Variants in ERBB4 observed in about 807,000 individuals in gnomAD.
The protein encoded by ERBB4 is erb-b2 receptor tyrosine kinase 4.
A neutral mutation model predicts 158.0 loss-of-function variants in ERBB4; 42 were observed. That is an observed-to-expected ratio of 0.27 (90% CI 0.21 to 0.34). ERBB4 has a LOEUF of 0.34. Ranked by LOEUF, ERBB4 falls within the 10% of genes least tolerant of loss-of-function variation. The pLI is 1.00. For missense variants in ERBB4, 1,333 were observed against 1,624.1 expected (o/e 0.82, Z 3.08); for synonymous variants, 583 against 558.7 (o/e 1.04, Z -0.61).
At chr2:211,611,282 G>C (rs924630912) in intron 19 of ERBB4, among the ~76,000 whole-genome samples, 1 of 151,978 alleles carries the variant, frequency 6.6e-6, no homozygotes, top group Admixed American at 6.6e-5. Context: ...CAACCCACAA[G>C]CAGATAGAAA....
chr2:211,705,019 T>C (rs980141230), intron 10 of ERBB4, among the ~76,000 whole-genome samples: 12 of 152,282 alleles, frequency 7.9e-5, no homozygotes, highest in African/African-American at 2.2e-4. Flanking sequence ...TGCAGCAGCG[T>C]GATCTTGGCT....
At chr2:212,117,317 C>T (rs894507793) in intron 2 of ERBB4, among the ~76,000 whole-genome samples, 4 of 152,054 alleles carry the variant, frequency 2.6e-5, no homozygotes, top group Non-Finnish European at 4.4e-5. Flanking sequence ...GTTCCATCAC[C>T]ATCTCTTTTT....
chr2:212,292,086 A>T (rs980137060), intron 1 of ERBB4, among the ~76,000 whole-genome samples: 2,041 of 152,080 alleles, frequency 0.013, 48 homozygotes, highest in African/African-American at 0.046. Context: ...TGCTTTTTTT[A>T]AATTTTTTTC....
chr2:211,705,909 A>G (rs2073421675), intron 9 of ERBB4, among the ~76,000 whole-genome samples: 2 of 152,244 alleles, frequency 1.3e-5, no homozygotes, highest in South Asian at 4.1e-4. Context: ...AATTTTCATA[A>G]TATTTATAAC....
intron 20 of ERBB4, among the ~76,000 whole-genome samples, chr2:211,559,272 A>C (rs1372961157): frequency 6.6e-6 from 1 of 152,124 alleles, no homozygotes; most frequent in East Asian, 1.9e-4. Context: ...TTTCATTCTT[A>C]TATCGCCTCA....
At chr2:212,436,287 T>C (rs1364528290) in intron 1 of ERBB4, among the ~76,000 whole-genome samples, 4 of 152,122 alleles carry the variant, frequency 2.6e-5, no homozygotes, top group Non-Finnish European at 5.9e-5. Flanking sequence ...ATATCCGCTA[T>C]AGATCACATA....
At chr2:211,746,248 A>G (rs2074968869) in intron 5 of ERBB4, among the ~76,000 whole-genome samples, 1 of 152,114 alleles carries the variant, frequency 6.6e-6, no homozygotes, top group Non-Finnish European at 1.5e-5. Flanking sequence ...ACAACCCATC[A>G]CTATCAACAG....
At chr2:212,488,581 G>T (rs1415394759) in intron 1 of ERBB4, among the ~76,000 whole-genome samples, 1 of 151,906 alleles carries the variant, frequency 6.6e-6, no homozygotes, top group Non-Finnish European at 1.5e-5. Flanking sequence ...GGGTTACAAA[G>T]GATAGAGACT....
At chr2:212,126,266 C>T (rs1317213603) in intron 1 of ERBB4, among the ~76,000 whole-genome samples, 2 of 151,904 alleles carry the variant, frequency 1.3e-5, no homozygotes. Context: ...GAGTTCCCAA[C>T]CTAGCCAACA....
At chr2:211,701,756 CAAAAAAAAAAA>C (rs71409856) in intron 12 of ERBB4, among the ~76,000 whole-genome samples, 200 bp downstream of exon 12, 7 of 66,646 alleles carry the variant, frequency 1.1e-4, no homozygotes, top group South Asian at 5.2e-4. Context: ...GACTCCGTCT[CAAAAAAAAAAA>C]AAAAAAAAAA....
At chr2:212,247,797 C>T (rs979268162) in intron 1 of ERBB4, among the ~76,000 whole-genome samples, 2 of 152,068 alleles carry the variant, frequency 1.3e-5, no homozygotes, top group African/African-American at 4.8e-5. Context: ...AACCCCATCT[C>T]TGCTGAAAAT....
intron 1 of ERBB4, among the ~76,000 whole-genome samples, chr2:212,216,967 C>A (rs543135287): frequency 6.6e-6 from 1 of 151,368 alleles, no homozygotes; most frequent in African/African-American, 2.4e-5. Flanking sequence ...CATTTTTAAA[C>A]ATTCCTTGCA....
rs187979638 is a variant in ERBB4, at chr2:212,228,406, T to G, written c.83-103503A>C. On this transcript the variant is annotated intron_variant, in intron 1 of 27. Transcript: ENST00000342788. ...CACAGTATTGAGTTATGATATATCT[T>G]AGAGTACAATACCATAGAGTGGAGG... Among the ~76,000 whole-genome samples, 1,355 of 152,264 alleles carry G rather than the reference T, an allele frequency of 8.9e-3. 16 individuals carry two copies. Among genetic ancestry groups the G allele is most frequent in the Non-Finnish European group, 0.016 (1,091 of 68,014 alleles).
chr2:212,076,038 T>G (rs1382592978), intron 2 of ERBB4, among the ~76,000 whole-genome samples: 7 of 151,914 alleles, frequency 4.6e-5, no homozygotes, highest in African/African-American at 1.7e-4. Flanking sequence ...AATCAGAATT[T>G]AGAATGAATA....
At chr2:212,098,124 GT>G (rs2125508949) in intron 2 of ERBB4, among the ~76,000 whole-genome samples, 1 of 152,226 alleles carries the variant, frequency 6.6e-6, no homozygotes, top group Admixed American at 6.5e-5. Context: ...ATACCATGAG[GT>G]TTTCACAGAG....
chr2:211,500,044 G>A (rs1461184539), intron 20 of ERBB4, among the ~76,000 whole-genome samples: 1 of 152,056 alleles, frequency 6.6e-6, no homozygotes, highest in Non-Finnish European at 1.5e-5. Flanking sequence ...TTCACTACCT[G>A]AAACAACCAA....
At chr2:211,521,535 G>T (rs942006375) in intron 20 of ERBB4, among the ~76,000 whole-genome samples, 1 of 152,180 alleles carries the variant, frequency 6.6e-6, no homozygotes, top group Admixed American at 6.5e-5. Flanking sequence ...AGAAGCTGTA[G>T]CAAGTTATCC....
intron 12 of ERBB4, among the ~76,000 whole-genome samples, chr2:211,690,874 C>A (rs1156639728): frequency 1.3e-5 from 2 of 152,102 alleles, no homozygotes; most frequent in Non-Finnish European, 2.9e-5. Flanking sequence ...CAACCTTTAA[C>A]TTCTTCTGTG....
At chr2:211,641,175 GT>G (rs1229686365) in intron 16 of ERBB4, among the ~76,000 whole-genome samples, 1 of 151,930 alleles carries the variant, frequency 6.6e-6, no homozygotes, top group African/African-American at 2.4e-5. Flanking sequence ...TTCCCTTTAA[GT>G]TTTTCTAGTA....
Sources: allele counts gnomAD v4.1 joint callset (sites outside exome capture counted in the v4.1 genomes callset), GRCh38; gene constraint gnomAD v4.1.1; transcripts MANE v1.5; gene names NCBI Gene and HGNC (gene_info 2026-07-23, HGNC 2026-07-21).